PARD3: variants seen among roughly 807,000 people sequenced by gnomAD.
PARD3 encodes the protein partitioning defective 3 homolog.
PARD3 carries 75 observed loss-of-function variants against 155.4 expected under a neutral mutation model. The ratio of observed to expected loss-of-function variants is 0.48; its 90% CI spans 0.40 to 0.58. The LOEUF (loss-of-function observed/expected upper bound fraction) is 0.58, where lower values mean the gene tolerates loss of function less well. Ranked by LOEUF, PARD3 falls within the 20% of genes least tolerant of loss-of-function variation. The pLI, the probability that PARD3 is intolerant of heterozygous loss-of-function variation, is 0.00. For synonymous variants in PARD3, 576 were observed against 610.5 expected, an observed-to-expected ratio of 0.94 and a Z score of 0.83; for missense variants, 1,642 against 1,721.7, an observed-to-expected ratio of 0.95 and a Z score of 0.82.
At chr10:34,754,541 C>G (rs1419831393) in intron 1 of PARD3, among the ~76,000 whole-genome samples, 1 of 152,124 alleles carries the variant, frequency 6.6e-6, no homozygotes, top group African/African-American at 2.4e-5. Context: ...TACTCAAATA[C>G]TTTATTAATA....
chr10:34,488,294 TTTTATTTTTATTTTATTTA>T (rs1280323550), intron 3 of PARD3, among the ~76,000 whole-genome samples: 1 of 151,830 alleles, frequency 6.6e-6, no homozygotes, highest in Non-Finnish European at 1.5e-5. Flanking sequence ...CACATGAATT[TTTTATTTTTATTTTATTTA>T]TTTATTTTTA....
At chr10:34,763,133 C>T (rs1279213308) in intron 1 of PARD3, among the ~76,000 whole-genome samples, 3 of 152,114 alleles carry the variant, frequency 2.0e-5, no homozygotes, top group Non-Finnish European at 4.4e-5. Flanking sequence ...TATTTAGTGG[C>T]GGAGGTCAAG....
intron 3 of PARD3, among the ~76,000 whole-genome samples, chr10:34,507,550 A>AAAAAAAAAAAC (rs549652757): frequency 0.4 from 50,951 of 128,332 alleles, 9,799 homozygotes; most frequent in African/African-American, 0.56. Context: ...TAAAAAAACA[A>AAAAAAAAAAAC]AAAAAAAAAA....
intron 5 of PARD3, among the ~76,000 whole-genome samples, chr10:34,425,745 C>G (rs1370615382): frequency 6.6e-6 from 1 of 152,188 alleles, no homozygotes; most frequent in Non-Finnish European, 1.5e-5. Context: ...TTCACCTAAA[C>G]TCTGACTTTT....
intron 22 of PARD3, among the ~76,000 whole-genome samples, chr10:34,261,785 GAAAGA>G (rs756410161): frequency 5.7e-4 from 21 of 37,056 alleles, no homozygotes; most frequent in Non-Finnish European, 1.2e-3. Context: ...AGAAAGAAAA[GAAAGA>G]AAGAAAGAAA....
At chr10:34,561,601 C>T (rs182781656) in intron 2 of PARD3, among the ~76,000 whole-genome samples, 1 of 152,014 alleles carries the variant, frequency 6.6e-6, no homozygotes, top group African/African-American at 2.4e-5. Context: ...TCACTGCAAC[C>T]TCTGCCTCCT....
At chr10:34,333,556 T>A (rs1835840910) in intron 18 of PARD3, among the ~76,000 whole-genome samples, 1 of 152,082 alleles carries the variant, frequency 6.6e-6, no homozygotes, top group African/African-American at 2.4e-5. Flanking sequence ...CTCTGTATAT[T>A]TATGTATAGA....
At chr10:34,209,969 A>G (rs544403670) in intron 22 of PARD3, among the ~76,000 whole-genome samples, 1 of 152,340 alleles carries the variant, frequency 6.6e-6, no homozygotes, top group Non-Finnish European at 1.5e-5. Flanking sequence ...TACCTAGTGG[A>G]GATGAGACTC....
At chr10:34,644,016 C>A (rs75888792) in intron 2 of PARD3, among the ~76,000 whole-genome samples, 1 of 152,162 alleles carries the variant, frequency 6.6e-6, no homozygotes, top group South Asian at 2.1e-4. Flanking sequence ...CATGTGTATG[C>A]GTGTGTTTTT....
chr10:34,327,830 A>T (rs1413656700), intron 19 of PARD3, among the ~76,000 whole-genome samples: 1 of 152,176 alleles, frequency 6.6e-6, no homozygotes, highest in Non-Finnish European at 1.5e-5. Context: ...GAGTTGGACC[A>T]TCGGGACAAG....
At chr10:34,168,283 G>A (rs752032829) in intron 22 of PARD3, among the ~76,000 whole-genome samples, 1 of 152,194 alleles carries the variant, frequency 6.6e-6, no homozygotes, top group Non-Finnish European at 1.5e-5. Flanking sequence ...TATTTGATAT[G>A]AAAGCCTAGT....
At chr10:34,229,609 C>T (rs1952808315) in intron 22 of PARD3, among the ~76,000 whole-genome samples, 1 of 151,796 alleles carries the variant, frequency 6.6e-6, no homozygotes, top group Admixed American at 6.6e-5. Flanking sequence ...TTAATACTAT[C>T]ATTTTGCTCT....
intron 22 of PARD3, among the ~76,000 whole-genome samples, chr10:34,145,228 T>TTTATTTTA (rs1948446147): frequency 9.7e-6 from 1 of 103,196 alleles, no homozygotes; most frequent in African/African-American, 3.3e-5. Context: ...TATATTTTTT[T>TTTATTTTA]TTTTTTTTTT....
chr10:34,309,954 C>T (rs1262397640), intron 20 of PARD3, among the ~76,000 whole-genome samples: 2 of 149,242 alleles, frequency 1.3e-5, no homozygotes, highest in African/African-American at 2.5e-5. Context: ...GGTTATTTCA[C>T]TATGATCCAA....
At chr10:34,642,220 T>C (rs1335052175) in intron 2 of PARD3, among the ~76,000 whole-genome samples, 2 of 151,964 alleles carry the variant, frequency 1.3e-5, no homozygotes, top group East Asian at 1.9e-4. Flanking sequence ...TCGCACCCTC[T>C]GTCATCCCTT....
At chr10:34,598,227 G>A (rs1231114122) in intron 2 of PARD3, among the ~76,000 whole-genome samples, 1 of 152,138 alleles carries the variant, frequency 6.6e-6, no homozygotes, top group African/African-American at 2.4e-5. Context: ...CTCTGAAGTT[G>A]CCCGCAGAAT....
At chr10:34,443,856 A>G (rs191434152) in intron 5 of PARD3, among the ~76,000 whole-genome samples, 2 of 152,330 alleles carry the variant, frequency 1.3e-5, no homozygotes, top group East Asian at 3.9e-4. Flanking sequence ...AATAAAAAGG[A>G]AAAAAGGTAT....
At chr10:34,300,056 C>G (rs185749881) in intron 20 of PARD3, among the ~76,000 whole-genome samples, 2 of 151,992 alleles carry the variant, frequency 1.3e-5, no homozygotes, top group Non-Finnish European at 2.9e-5. Context: ...GAGTGACTCA[C>G]GAAATTAAAA....
At chr10:34,312,005 ACT>A (rs1957725994) in intron 20 of PARD3, among the ~76,000 whole-genome samples, 1 of 151,318 alleles carries the variant, frequency 6.6e-6, no homozygotes, top group Admixed American at 6.6e-5. Context: ...AATCTTGAAA[ACT>A]CTGATTCTAA....
Sources: allele counts gnomAD v4.1 joint callset (sites outside exome capture counted in the v4.1 genomes callset), GRCh38; gene constraint gnomAD v4.1.1; transcripts MANE v1.5; gene names NCBI Gene and HGNC (gene_info 2026-07-23, HGNC 2026-07-21).